Variants in KLF7 observed in about 807,000 individuals in gnomAD.
KLF7 encodes Krueppel-like factor 7.
KLF7 carries 2 observed loss-of-function variants against 27.3 expected under a neutral mutation model. The observed-to-expected ratio is 0.07, with a 90% CI of 0.03 to 0.23. KLF7 has a LOEUF of 0.23. KLF7 is among the 10% of genes least tolerant of loss of function. KLF7 has a pLI of 1.00. For synonymous variants in KLF7, 165 were observed against 162.4 expected (o/e 1.02, Z -0.12); for missense variants, 221 against 394.1 (o/e 0.56, Z 3.72).
chr2:207,102,272 CTTAAT>C (rs1423233331), intron 2 of KLF7, among the ~76,000 whole-genome samples: 1 of 151,976 alleles, frequency 6.6e-6, no homozygotes, highest in African/African-American at 2.4e-5. Flanking sequence ...CTCAAACAGC[CTTAAT>C]TTTTGTCTGT....
intron 2 of KLF7, among the ~76,000 whole-genome samples, chr2:207,101,667 G>C (rs12998662): frequency 0.13 from 20,487 of 152,098 alleles, 1,651 homozygotes; most frequent in Middle Eastern, 0.23. Context: ...CTTGAGGCCA[G>C]ACCCCACATC....
At chr2:207,166,907 C>A (rs867834040), upstream of KLF7, 10 of 1,047,204 alleles carry the variant, frequency 9.5e-6, no homozygotes, top group South Asian at 1.4e-4. Flanking sequence ...GCCCGCCCCC[C>A]GCTTGCGCAC....
upstream of KLF7, chr2:207,167,179 T>C: frequency 7.1e-7 from 1 of 1,413,936 alleles, no homozygotes; most frequent in Non-Finnish European, 9.2e-7. Flanking sequence ...GCTTCGATGG[T>C]GAGAGGAGGA....
intron 2 of KLF7, among the ~76,000 whole-genome samples, chr2:207,107,402 C>T (rs1395036231): frequency 4.6e-5 from 7 of 152,164 alleles, no homozygotes; most frequent in Non-Finnish European, 1.0e-4. Flanking sequence ...TTTTTCTCAG[C>T]TACTGCTCCT....
chr2:207,136,602 G>A (rs1289533946), intron 1 of KLF7, among the ~76,000 whole-genome samples: 1 of 152,148 alleles, frequency 6.6e-6, no homozygotes, highest in Non-Finnish European at 1.5e-5. Context: ...TCCTGGAAAG[G>A]TCTAAATTAT....
At chr2:207,128,052 T>C (rs1055777517) in intron 1 of KLF7, among the ~76,000 whole-genome samples, 2 of 152,182 alleles carry the variant, frequency 1.3e-5, no homozygotes, top group African/African-American at 2.4e-5. Context: ...CCCAGGGATC[T>C]TGGTTTCTAA....
At chr2:207,168,860 AT>A (rs1483814539), upstream of KLF7, among the ~76,000 whole-genome samples, 2 of 152,258 alleles carry the variant, frequency 1.3e-5, no homozygotes, top group Non-Finnish European at 2.9e-5. Flanking sequence ...AGGTATCCAG[AT>A]GTACAAAGTA....
intron 1 of KLF7, among the ~76,000 whole-genome samples, chr2:207,136,210 A>G (rs183535806): frequency 2.0e-5 from 3 of 151,610 alleles, no homozygotes; most frequent in African/African-American, 7.3e-5. Context: ...ACTCTCAAAG[A>G]CTCTTTCTGG....
At chr2:207,109,848 C>T (rs2076979829) in intron 2 of KLF7, 1 of 154,762 alleles carries the variant, frequency 6.5e-6, no homozygotes, top group African/African-American at 2.4e-5. Context: ...TGATCCAAAA[C>T]ATGGCACTTA....
rs201310096 is a variant in KLF7 at position 207,099,340 on chromosome 2, C to A, written c.734-10759G>T. Among the ~76,000 whole-genome samples, 3 of 151,652 alleles carry A rather than the reference C, an allele frequency of 2.0e-5. No homozygotes were observed. In the East Asian group the frequency reaches 5.8e-4, roughly 29 times the overall value. Reference sequence around the variant, plus strand: ...ACAGAAAATGCAGAGACATGGAGGGCCAGGACAGGTGGGGAGGGGAGACTA... The same window carrying A: ...ACAGAAAATGCAGAGACATGGAGGGACAGGACAGGTGGGGAGGGGAGACTA... On this transcript the variant is annotated intron_variant, in intron 2 of 3. Coordinates refer to ENST00000309446, the MANE Select transcript of KLF7 (RefSeq NM_003709.4).
chr2:207,135,009 T>C (rs2077745822), intron 1 of KLF7, among the ~76,000 whole-genome samples: 1 of 152,180 alleles, frequency 6.6e-6, no homozygotes, highest in Non-Finnish European at 1.5e-5. Flanking sequence ...AAGAAACCTA[T>C]CGAGGGCATG....
chr2:207,094,519 C>T (rs1232858438), intron 2 of KLF7, among the ~76,000 whole-genome samples: 1 of 152,198 alleles, frequency 6.6e-6, no homozygotes, highest in Admixed American at 6.5e-5. Context: ...CCTAATACAT[C>T]TCGAAGAAAT....
At chr2:207,101,195 T>C (rs1333713892) in intron 2 of KLF7, among the ~76,000 whole-genome samples, 3 of 152,238 alleles carry the variant, frequency 2.0e-5, no homozygotes, top group Non-Finnish European at 4.4e-5. Context: ...TGTGACAAGT[T>C]AGATTCAACC....
rs887489564 is a variant in KLF7, at chr2:207,077,224, A to G, written c.*3989T>C. 7 of 152,202 alleles carry G rather than the reference A, an allele frequency of 4.6e-5. No homozygotes were observed. Among genetic ancestry groups the G allele is most frequent in the African/African-American group, 1.7e-4 (7 of 41,450 alleles). The allele number at this position is 152,202 out of a possible 1,614,324, so 9.4% of individuals were successfully genotyped here. ...TGGCTTTGCCATAAAATGCAGGAAT[A>G]AAGGCAAGAGGCAATGTTCCGAATG... On this transcript the variant is annotated 3_prime_UTR_variant, in exon 4 of 4. Coordinates refer to ENST00000309446, the MANE Select transcript of KLF7 (RefSeq NM_003709.4).
At chr2:207,090,803 G>A (rs2076493373) in intron 2 of KLF7, among the ~76,000 whole-genome samples, 1 of 152,160 alleles carries the variant, frequency 6.6e-6, no homozygotes, top group Non-Finnish European at 1.5e-5. Flanking sequence ...CCAGCACCCT[G>A]CAGGAGAGAC....
chr2:207,165,143 C>T (rs561227248), intron 1 of KLF7, among the ~76,000 whole-genome samples: 2 of 152,136 alleles, frequency 1.3e-5, no homozygotes, highest in African/African-American at 2.4e-5. Flanking sequence ...CCTTCCCACC[C>T]GGCTCCTCCG....
At chr2:207,149,150 A>G (rs1199285673) in intron 1 of KLF7, 2 of 1,288,342 alleles carry the variant, frequency 1.6e-6, no homozygotes, top group South Asian at 1.2e-5. Context: ...TTCATAGTCA[A>G]TAATAAGAAA....
chr2:207,105,821 C>T (rs1279172365), intron 2 of KLF7, among the ~76,000 whole-genome samples: 1 of 152,148 alleles, frequency 6.6e-6, no homozygotes, highest in Non-Finnish European at 1.5e-5. Flanking sequence ...CTTAAACAGA[C>T]CTGCACGATC....
intron 2 of KLF7, among the ~76,000 whole-genome samples, chr2:207,116,051 C>T (rs145684876): frequency 2.6e-5 from 4 of 152,282 alleles, no homozygotes; most frequent in African/African-American, 9.6e-5. Flanking sequence ...CAAGTTTGGC[C>T]AGGGCTATCC....
Sources: allele counts gnomAD v4.1 joint callset (sites outside exome capture counted in the v4.1 genomes callset), GRCh38; gene constraint gnomAD v4.1.1; transcripts MANE v1.5; gene names NCBI Gene and HGNC (gene_info 2026-07-23, HGNC 2026-07-21).